SNX7: variants seen among roughly 807,000 people sequenced by gnomAD.
The protein encoded by SNX7 is sorting nexin 7.
In SNX7, 35 loss-of-function variants were observed where a neutral mutation model predicts 48.4. That is an observed-to-expected ratio of 0.72 (90% confidence interval 0.55 to 0.96). The LOEUF (loss-of-function observed/expected upper bound fraction) is 0.96, where lower values mean the gene tolerates loss of function less well. SNX7 is among the 40% of genes least tolerant of loss of function. SNX7 has a pLI of 0.00. For missense variants in SNX7, 553 were observed against 548.9 expected (o/e 1.01, Z -0.07); for synonymous variants, 190 against 190.2 (o/e 1.00, Z 0.01).
chr1:98,757,408 T>C (rs925580304), intron 8 of SNX7, among the ~76,000 whole-genome samples: 25 of 152,042 alleles, frequency 1.6e-4, no homozygotes, highest in African/African-American at 6.0e-4. Context: ...CCCACCTTCC[T>C]GCTGTGTCCT....
chr1:98,745,994 AG>A (rs1390688584), intron 8 of SNX7, among the ~76,000 whole-genome samples: 2 of 152,060 alleles, frequency 1.3e-5, no homozygotes, highest in African/African-American at 4.8e-5. Context: ...TTGAGCAATC[AG>A]TTCTTTTTTC....
At chr1:98,683,912 C>T (rs772556598) in intron 1 of SNX7, among the ~76,000 whole-genome samples, 13 of 152,160 alleles carry the variant, frequency 8.5e-5, no homozygotes, top group Admixed American at 2.0e-4. Context: ...TCAGACCTTT[C>T]AGAAAGTAGA....
intron 7 of SNX7, among the ~76,000 whole-genome samples, chr1:98,728,434 A>G (rs1016943000): frequency 6.6e-6 from 1 of 152,196 alleles, no homozygotes; most frequent in Non-Finnish European, 1.5e-5. Context: ...TACAGCATCA[A>G]ATTCACACAT....
intron 7 of SNX7, among the ~76,000 whole-genome samples, chr1:98,707,412 CT>C (rs1652066161): frequency 6.6e-6 from 1 of 152,054 alleles, no homozygotes. Context: ...TAATTTTTGA[CT>C]GGGATGATAA....
chr1:98,738,291 C>G lies in SNX7; in HGVS notation c.1180C>G (p.Leu394Val). The change falls in exon 8 of 9, where the codon CTG becomes GTG. Residue 394 changes from leucine to valine, a missense_variant. Leu to Val is a conservative substitution (Grantham distance 32, BLOSUM62 1). Coordinates refer to ENST00000306121, the MANE Select transcript of SNX7 (RefSeq NM_015976.5). ...TAAAGTGGAATGTGCTAATAATGCC[C>G]TGAAAGCAGATTGGGAGAGATGGAA... is the stretch of plus-strand genomic sequence containing the variant. ...EDKVECANNA[L>V]KADWERWKQN... The G allele has an allele frequency of 6.2e-7, 1 of 1,613,454 alleles. No homozygotes were observed. Among genetic ancestry groups the G allele is most frequent in the Non-Finnish European group, 8.5e-7 (1 of 1,179,720 alleles).
intron 8 of SNX7, among the ~76,000 whole-genome samples, chr1:98,747,867 T>C (rs10783102): frequency 0.94 from 143,322 of 152,072 alleles, 67,901 homozygotes; most frequent in Non-Finnish European, 0.99. Context: ...GTGATTTCTG[T>C]TCTGAATTAA....
At chr1:98,720,611 A>T (rs1242413200) in intron 7 of SNX7, among the ~76,000 whole-genome samples, 1 of 152,116 alleles carries the variant, frequency 6.6e-6, no homozygotes, top group African/African-American at 2.4e-5. Context: ...CACTGGCCAC[A>T]TGTGCTGTTT....
At chr1:98,694,256 G>A (rs951489565) in intron 4 of SNX7, among the ~76,000 whole-genome samples, 1 of 151,606 alleles carries the variant, frequency 6.6e-6, no homozygotes, top group Non-Finnish European at 1.5e-5. Context: ...TGTAATCCCA[G>A]CTACTCAGGA....
intron 7 of SNX7, among the ~76,000 whole-genome samples, chr1:98,736,832 T>G (rs1653803980): frequency 1.3e-5 from 2 of 152,188 alleles, no homozygotes; most frequent in African/African-American, 4.8e-5. Flanking sequence ...TAAGACATTT[T>G]TACATTTTAG....
chr1:98,736,417 T>G (rs1023770093), intron 7 of SNX7, among the ~76,000 whole-genome samples: 7 of 152,196 alleles, frequency 4.6e-5, no homozygotes, highest in Non-Finnish European at 1.0e-4. Context: ...AGATCCTGTT[T>G]GAGTTTGGCC....
At chr1:98,665,074 T>C (rs1267749373) in intron 1 of SNX7, among the ~76,000 whole-genome samples, 5 of 152,160 alleles carry the variant, frequency 3.3e-5, no homozygotes, top group Non-Finnish European at 5.9e-5. Flanking sequence ...GAATACTGTA[T>C]AAAAGAAACA....
At chr1:98,681,155 AAG>A (rs1312071265) in intron 1 of SNX7, among the ~76,000 whole-genome samples, 1 of 152,214 alleles carries the variant, frequency 6.6e-6, no homozygotes. Flanking sequence ...AGCAGGCCGA[AAG>A]AACTTGTGAA....
intron 2 of SNX7, among the ~76,000 whole-genome samples, chr1:98,690,062 A>G (rs1208171982): frequency 6.6e-6 from 1 of 152,146 alleles, no homozygotes; most frequent in Non-Finnish European, 1.5e-5. Flanking sequence ...TATGACATTG[A>G]AGATTGCATC....
intron 8 of SNX7, among the ~76,000 whole-genome samples, chr1:98,746,816 T>C (rs1165267829): frequency 6.6e-6 from 1 of 152,120 alleles, no homozygotes; most frequent in East Asian, 1.9e-4. Context: ...TTCTATGTTA[T>C]TGATAAGGTC....
intron 8 of SNX7, among the ~76,000 whole-genome samples, chr1:98,758,661 T>A (rs2101065929): frequency 6.6e-6 from 1 of 152,176 alleles, no homozygotes; most frequent in Non-Finnish European, 1.5e-5. Context: ...AGCCTGGCCT[T>A]CAAAATATAT....
intron 2 of SNX7, 123 bp from the exon 3 acceptor site, chr1:98,690,952 G>A (rs1306144230): frequency 1.4e-5 from 7 of 507,750 alleles, no homozygotes; most frequent in Non-Finnish European, 2.3e-5. Flanking sequence ...GACAAACACT[G>A]AATAATTAGG....
At chr1:98,674,456 C>T (rs1650050997) in intron 1 of SNX7, among the ~76,000 whole-genome samples, 1 of 152,174 alleles carries the variant, frequency 6.6e-6, no homozygotes, top group African/African-American at 2.4e-5. Context: ...TTCCCTCCAT[C>T]CATGTTTCTG....
At chr1:98,666,682 G>A (rs1219155037) in intron 1 of SNX7, among the ~76,000 whole-genome samples, 1 of 152,148 alleles carries the variant, frequency 6.6e-6, no homozygotes, top group Non-Finnish European at 1.5e-5. Context: ...ACGGAGAGAT[G>A]GTATAAGTGC....
intron 7 of SNX7, among the ~76,000 whole-genome samples, chr1:98,718,456 A>G (rs1199540849): frequency 4.6e-5 from 7 of 152,094 alleles, no homozygotes; most frequent in African/African-American, 9.7e-5. Context: ...TTACTTCCCA[A>G]CAACCACTAC....
Sources: gnomAD v4.1 joint callset for allele counts (sites outside exome capture counted in the v4.1 genomes callset) on GRCh38, gnomAD v4.1.1 for gene constraint, MANE v1.5 for transcripts, NCBI Gene and HGNC (gene_info 2026-07-23, HGNC 2026-07-21) for gene names.